The following RYR1 variants were observed in gnomAD, a reference collection of about 807,000 sequenced individuals.
RYR1 encodes central core disease of muscle.
RYR1 carries 342 observed loss-of-function variants against 583.5 expected under a neutral mutation model. The ratio of observed to expected loss-of-function variants is 0.59; its 90% CI spans 0.54 to 0.64. The LOEUF (loss-of-function observed/expected upper bound fraction) is 0.64. Among genes scored for constraint, RYR1 ranks in the 30% least tolerant of loss-of-function variants. The probability of loss-of-function intolerance (pLI) is 0.00; values close to 1 mark genes in which losing one functional copy is unlikely to be tolerated. For missense variants in RYR1, 6,032 were observed against 6,917.2 expected (o/e 0.87, Z 4.54); for synonymous variants, 2,791 against 2,822.5 (o/e 0.99, Z 0.35).
intron 93 of RYR1, among the ~76,000 whole-genome samples, 185 bp from the exon 94 acceptor site, chr19:38,570,422 A>G (rs1430910902): frequency 6.6e-6 from 1 of 152,202 alleles, no homozygotes; most frequent in Non-Finnish European, 1.5e-5. Flanking sequence ...ACTGCACTCC[A>G]GCCTGGACGA....
chr19:38,497,683 T>C (rs1394645690), intron 42 of RYR1, among the ~76,000 whole-genome samples: 2 of 152,112 alleles, frequency 1.3e-5, no homozygotes, highest in Non-Finnish European at 2.9e-5. Flanking sequence ...CAGTCAAAAA[T>C]CCCTGTCTGG....
At chr19:38,542,465 C>G (rs1312858026) in intron 84 of RYR1, among the ~76,000 whole-genome samples, 2 of 152,082 alleles carry the variant, frequency 1.3e-5, no homozygotes, top group African/African-American at 4.8e-5. Context: ...AAATGACGCT[C>G]CACCACATTT....
At chr19:38,506,771 C>T (rs1568513893) in intron 56 of RYR1, 58 bp from the exon 57 acceptor site, 1 of 1,612,918 alleles carries the variant, frequency 6.2e-7, no homozygotes, top group Non-Finnish European at 8.5e-7. Context: ...GGAACCACTT[C>T]AGTGAGAGTG....
chr19:38,515,299 C>T (rs924811166), intron 64 of RYR1, among the ~76,000 whole-genome samples, 192 bp downstream of exon 64: 3 of 152,136 alleles, frequency 2.0e-5, no homozygotes, highest in African/African-American at 7.2e-5. Context: ...GTAGAGCCGC[C>T]AGGTCTGGGG....
chr19:38,529,093 A>G (rs764609736), intron 76 of RYR1, 36 bp downstream of exon 76: 1 of 1,605,188 alleles, frequency 6.2e-7, no homozygotes, highest in Non-Finnish European at 8.5e-7. Flanking sequence ...AAATGCCCCC[A>G]AGGTCCTGGG....
chr19:38,460,549 C>G lies in RYR1; in HGVS notation c.2535C>G (p.Leu845=). 1 of 1,613,866 alleles carries G rather than the reference C, an allele frequency of 6.2e-7. No individual in the cohort carries two copies. The highest frequency in any genetic ancestry group is 8.5e-7 in the Non-Finnish European group (1 of 1,180,038). ...ACCTGGTGGGCCCCAGTCGCTGCCT[C>G]TCACACACCGACTTCGTGCCCTGCC... is the stretch of plus-strand genomic sequence containing the variant. ...GPHLVGPSRC[L]SHTDFVPCPV... Residue 845 remains leucine (L), a synonymous_variant, in exon 20 of 106, where the codon CTC becomes CTG. Coordinates refer to ENST00000359596, the MANE Select transcript of RYR1 (RefSeq NM_000540.3).
intron 81 of RYR1, 152 bp downstream of exon 81, chr19:38,535,544 A>C (rs113611984): frequency 7.5e-5 from 54 of 717,120 alleles, no homozygotes; most frequent in Admixed American, 1.4e-4. Flanking sequence ...TATTATAAGA[A>C]TTAATGTAGA....
rs1328309394 is a variant in RYR1 at position 38,466,073 on chromosome 19, G to A, written c.2871-18G>A. On this transcript the variant is annotated intron_variant, in intron 23 of 105. Transcript: ENST00000359596. ...GGAGGTGAGGGCCTTGTCCCATGGA[G>A]CCCTACCATGCCCGCAGGTATATGA... The A allele has an allele frequency of 1.3e-6, 2 of 1,597,404 alleles. No homozygotes were observed. The highest frequency in any genetic ancestry group is 1.7e-6 in the Non-Finnish European group (2 of 1,173,054).
At chr19:38,564,266 G>A (rs1299597265) in intron 90 of RYR1, among the ~76,000 whole-genome samples, 1 of 152,202 alleles carries the variant, frequency 6.6e-6, no homozygotes, top group Non-Finnish European at 1.5e-5. Context: ...GCTTATGCCT[G>A]TAATCCCAGC....
intron 70 of RYR1, 137 bp from the exon 71 acceptor site, chr19:38,525,195 A>T (rs1971411758): frequency 7.4e-6 from 7 of 950,914 alleles, no homozygotes; most frequent in Non-Finnish European, 1.2e-5. Context: ...CTGGGGTGGA[A>T]ATTGAGGTGT....
In RYR1 at chr19:38,496,617, A is replaced by T; in HGVS notation, c.6796+76A>T. On this transcript the variant is annotated intron_variant, in intron 41 of 105. Transcript: ENST00000359596. The surrounding 1 kb of genome is among the most constrained non-coding windows in gnomAD (Gnocchi z 4.8). ...CCCGTCCAGGCCTGCCCCACTTTCC[A>T]CCAGCTCACTCATTCAACAAACACT... 1 of 1,561,558 alleles carries T rather than the reference A, an allele frequency of 6.4e-7. No homozygotes were observed. The highest frequency in any genetic ancestry group is 8.8e-7 in the Non-Finnish European group (1 of 1,135,408).
At chr19:38,520,056 G>A (rs1394986699) in intron 67 of RYR1, among the ~76,000 whole-genome samples, 51 of 146,774 alleles carry the variant, frequency 3.5e-4, no homozygotes, top group East Asian at 2.0e-4. Context: ...GCACAACACC[G>A]TAAGGAATAG....
At chr19:38,493,506 T>C (rs556213234) in intron 38 of RYR1, among the ~76,000 whole-genome samples, 7 of 149,694 alleles carry the variant, frequency 4.7e-5, no homozygotes, top group African/African-American at 1.8e-4. Flanking sequence ...ATTTTTTCTT[T>C]TTCTTTTTCG....
chr19:38,561,580 C>G lies in RYR1; in HGVS notation c.12624+126C>G. 1.1e-6 allele frequency: 1 copy of G among 881,358 alleles called. No homozygotes were observed. The highest frequency in any genetic ancestry group is 2.6e-5 in the East Asian group (1 of 37,812). 54.6% of individuals were successfully genotyped at this position (881,358 alleles called of 1,614,324 possible). On this transcript the variant is annotated intron_variant, in intron 90 of 105. Coordinates refer to ENST00000359596, the MANE Select transcript of RYR1 (RefSeq NM_000540.3). The surrounding 1 kb of genome is among the most constrained non-coding windows in gnomAD (Gnocchi z 4.8). ...CGCATATCTGCCCTGCTCCGGCAAG[C>G]CCACGCCCACCCTTTTGTACACATT...
At chr19:38,459,877 G>A (rs149362657) in intron 19 of RYR1, among the ~76,000 whole-genome samples, 1 of 152,258 alleles carries the variant, frequency 6.6e-6, no homozygotes, top group South Asian at 2.1e-4. Context: ...GACTTGCCCA[G>A]TGACCCTGCT....
intron 57 of RYR1, 115 bp from the exon 58 acceptor site, chr19:38,507,597 G>A (rs1970531068): frequency 2.6e-6 from 2 of 757,768 alleles, no homozygotes; most frequent in East Asian, 5.1e-5. Context: ...CCCAACCTGG[G>A]GTGAAGCCAA....
rs1236392517 is a variant in RYR1 at position 38,452,936 on chromosome 19, C to T, written c.1362C>T (p.Pro454=). Residue 454 remains proline (P), a synonymous_variant, in exon 13 of 106, where the codon CCC becomes CCT. Coordinates refer to ENST00000359596, the MANE Select transcript of RYR1 (RefSeq NM_000540.3). Reference sequence around the variant, plus strand: ...ACCTCATCATCTACTTCGAGCCTCCCTCCGAGGACTTGCAGCACGAGGAGA... The same window carrying T: ...ACCTCATCATCTACTTCGAGCCTCCTTCCGAGGACTTGCAGCACGAGGAGA... The part of the protein sequence containing the change: ...LQDLIIYFEP[P]SEDLQHEEKQ... 2 of 1,614,014 alleles carry T rather than the reference C, an allele frequency of 1.2e-6. No individual in the cohort carries two copies. Among genetic ancestry groups the T allele is most frequent in the Non-Finnish European group, 1.7e-6 (2 of 1,179,902 alleles).
chr19:38,514,873 A>G (rs951668521), intron 63 of RYR1, among the ~76,000 whole-genome samples, 153 bp from the exon 64 acceptor site: 1 of 152,062 alleles, frequency 6.6e-6, no homozygotes, highest in Admixed American at 6.6e-5. Context: ...AGAGTTGGTA[A>G]CTTGCTCAAG....
intron 38 of RYR1, among the ~76,000 whole-genome samples, chr19:38,492,850 C>T (rs964631960): frequency 6.6e-6 from 1 of 151,984 alleles, no homozygotes; most frequent in Non-Finnish European, 1.5e-5. Context: ...GGGTGGATCA[C>T]TTGAGGTCAG....
Sources: allele counts gnomAD v4.1 joint callset (sites outside exome capture counted in the v4.1 genomes callset), GRCh38; gene constraint gnomAD v4.1.1; non-coding constraint Gnocchi (gnomAD v3.1); transcripts MANE v1.5; gene names NCBI Gene and HGNC (gene_info 2026-07-23, HGNC 2026-07-21).